Variants in GNB4 observed in about 807,000 individuals in gnomAD.
GNB4 encodes G protein subunit beta 4.
In GNB4, 28 loss-of-function variants were observed where a neutral mutation model predicts 45.2. That is an observed-to-expected ratio of 0.62 (90% CI 0.46 to 0.85). The LOEUF (loss-of-function observed/expected upper bound fraction) is 0.85, where lower values mean the gene tolerates loss of function less well. GNB4 is among the 40% of genes least tolerant of loss of function. The pLI is 0.00. For missense variants in GNB4, 321 were observed against 425.4 expected (o/e 0.75, Z 2.16); for synonymous variants, 132 against 143.7 (o/e 0.92, Z 0.58).
chr3:179,464,225 G>A, the GNB4 span: 14 of 417,514 alleles, frequency 3.4e-5, 1 homozygote, highest in South Asian at 2.0e-4. Flanking sequence ...TTAGGAGGCT[G>A]AGGAGGGAAG....
chr3:179,468,755 T>C, the GNB4 span, among the ~76,000 whole-genome samples: 1 of 152,176 alleles, frequency 6.6e-6, no homozygotes, highest in African/African-American at 2.4e-5. Flanking sequence ...CTTTGACATA[T>C]TTTGAAATGG....
rs938299474 is a variant in GNB4 at position 179,444,232 on chromosome 3, TC to T, written c.-43+7113del. On this transcript the variant is annotated intron_variant, in intron 1 of 9. Coordinates refer to ENST00000232564, the MANE Select transcript of GNB4 (RefSeq NM_021629.4). Reference sequence around the variant, plus strand: ...GGAGTCTGTGGTTTTTTCATTTTTTTCCCCCCAAAGAGTTTCCCTGGTGATA... The same window carrying T: ...GGAGTCTGTGGTTTTTTCATTTTTTTCCCCCAAAGAGTTTCCCTGGTGATA... Among the ~76,000 whole-genome samples, 6 of 152,206 alleles carry T rather than the reference TC, an allele frequency of 3.9e-5. No individual in the cohort carries two copies. In the East Asian group the frequency reaches 5.8e-4, roughly 15 times the overall value.
At chr3:179,523,704 G>A in the GNB4 span, among the ~76,000 whole-genome samples, 1 of 152,056 alleles carries the variant, frequency 6.6e-6, no homozygotes, top group Admixed American at 6.5e-5. Context: ...GGGTGATTAG[G>A]TTTTAATGGG....
At chr3:179,502,336 C>T in the GNB4 span, among the ~76,000 whole-genome samples, 5,624 of 148,352 alleles carry the variant, frequency 0.038, 153 homozygotes, top group Non-Finnish European at 0.058. Flanking sequence ...TGAGTTCAAG[C>T]GATTCTCCTG....
rs773496238 is a variant in GNB4 at position 179,414,937 on chromosome 3, T to C, written c.378A>G (p.Leu126=). Residue 126 remains leucine (L), a synonymous_variant, in exon 6 of 10, where the codon TTA becomes TTG. Coordinates refer to ENST00000232564, the MANE Select transcript of GNB4 (RefSeq NM_021629.4). Reference sequence around the variant, plus strand: ...CTCTCACATTTCCCTCTCTGGTCTTTAAGTTATATATAGAGCAGATGTTGT... The same window carrying C: ...CTCTCACATTTCCCTCTCTGGTCTTCAAGTTATATATAGAGCAGATGTTGT... ...GLDNICSIYN[L]KTREGNVRVS... 1.2e-6 allele frequency: 2 copies of C among 1,606,840 alleles called. No individual in the cohort carries two copies. The highest frequency in any genetic ancestry group is 8.5e-7 in the Non-Finnish European group (1 of 1,174,942).
intron 8 of GNB4, among the ~76,000 whole-genome samples, chr3:179,409,096 A>AC (rs1285888777): frequency 2.0e-5 from 3 of 149,852 alleles, no homozygotes; most frequent in African/African-American, 7.4e-5. Flanking sequence ...GCACCACTGC[A>AC]CTCCAGCCTG....
chr3:179,440,823 T>C (rs1289076039), intron 1 of GNB4, among the ~76,000 whole-genome samples: 1 of 152,052 alleles, frequency 6.6e-6, no homozygotes, highest in Non-Finnish European at 1.5e-5. Flanking sequence ...AGTATAGTGT[T>C]GATATGTTTC....
chr3:179,457,414 G>C, the GNB4 span, among the ~76,000 whole-genome samples: 4 of 152,144 alleles, frequency 2.6e-5, no homozygotes, highest in Non-Finnish European at 4.4e-5. Flanking sequence ...GTAGTGCCTA[G>C]AATGTAATAC....
chr3:179,452,150 G>C (rs1211143862), upstream of GNB4, among the ~76,000 whole-genome samples: 1 of 151,566 alleles, frequency 6.6e-6, no homozygotes, highest in East Asian at 1.9e-4. Flanking sequence ...AAACTGGAAG[G>C]CCTTCCAGAT....
the GNB4 span, among the ~76,000 whole-genome samples, chr3:179,468,490 T>C: frequency 7.4e-6 from 1 of 135,298 alleles, no homozygotes; most frequent in East Asian, 2.3e-4. Context: ...AGCAAAACTC[T>C]GTCTCAAGAA....
chr3:179,454,545 T>C (rs1346064429), upstream of GNB4, among the ~76,000 whole-genome samples: 1 of 152,206 alleles, frequency 6.6e-6, no homozygotes, highest in Non-Finnish European at 1.5e-5. Flanking sequence ...TGGTCCTACA[T>C]TGGATGAATC....
At chr3:179,508,331 A>G in the GNB4 span, among the ~76,000 whole-genome samples, 78 of 152,174 alleles carry the variant, frequency 5.1e-4, no homozygotes, top group Non-Finnish European at 3.1e-4. Flanking sequence ...ACACAGATCC[A>G]TGGCAAACAC....
At chr3:179,485,097 G>A in the GNB4 span, among the ~76,000 whole-genome samples, 20 of 137,328 alleles carry the variant, frequency 1.5e-4, no homozygotes, top group African/African-American at 4.8e-4. Context: ...TGCAAGCTCC[G>A]CCTCCCAGGA....
At chr3:179,508,932 G>GA in the GNB4 span, among the ~76,000 whole-genome samples, 1 of 102,178 alleles carries the variant, frequency 9.8e-6, no homozygotes, top group Non-Finnish European at 1.8e-5. Flanking sequence ...TTCAGCATGT[G>GA]TATATATATA....
chr3:179,462,720 C>T, the GNB4 span, among the ~76,000 whole-genome samples: 2 of 152,094 alleles, frequency 1.3e-5, no homozygotes, highest in Non-Finnish European at 2.9e-5. Flanking sequence ...CCCCTGTAAT[C>T]CCAGCTACTC....
At chr3:179,458,210 G>C in the GNB4 span, among the ~76,000 whole-genome samples, 1 of 152,098 alleles carries the variant, frequency 6.6e-6, no homozygotes, top group Non-Finnish European at 1.5e-5. Context: ...GCCCATTTTA[G>C]TTCTTAATGT....
chr3:179,499,793 G>A, the GNB4 span, among the ~76,000 whole-genome samples: 7 of 152,036 alleles, frequency 4.6e-5, no homozygotes, highest in Non-Finnish European at 1.0e-4. Context: ...TCTAACTGGT[G>A]TGAGATGTGG....
the GNB4 span, among the ~76,000 whole-genome samples, chr3:179,501,355 G>C: frequency 2.0e-5 from 3 of 149,300 alleles, no homozygotes; most frequent in African/African-American, 4.9e-5. Flanking sequence ...CTGGAGTGCA[G>C]TGGTGCTATC....
chr3:179,453,574 A>G (rs1186800241), upstream of GNB4, among the ~76,000 whole-genome samples: 3 of 152,222 alleles, frequency 2.0e-5, no homozygotes, highest in Non-Finnish European at 4.4e-5. Flanking sequence ...AAGCAATGAG[A>G]TAGTCTATTC....
Sources: allele counts gnomAD v4.1 joint callset (sites outside exome capture counted in the v4.1 genomes callset), GRCh38; gene constraint gnomAD v4.1.1; transcripts MANE v1.5; gene names NCBI Gene and HGNC (gene_info 2026-07-23, HGNC 2026-07-21).